Variants in HTT observed in about 807,000 individuals in gnomAD.
The protein encoded by HTT is huntington disease protein.
In HTT, 104 loss-of-function variants were observed where a neutral mutation model predicts 362.3. That is an observed-to-expected ratio of 0.29 (90% confidence interval 0.24 to 0.34). HTT has a LOEUF of 0.34. Among genes scored for constraint, HTT ranks in the 10% least tolerant of loss-of-function variants. HTT has a pLI of 1.00. For missense variants in HTT, 3,301 were observed against 3,928.6 expected, an observed-to-expected ratio of 0.84 and a Z score of 4.27; for synonymous variants, 1,577 against 1,548.7, an observed-to-expected ratio of 1.02 and a Z score of -0.43.
chr4:3,097,335 T>C (rs1560545719), intron 2 of HTT, among the ~76,000 whole-genome samples: 1 of 151,838 alleles, frequency 6.6e-6, no homozygotes, highest in South Asian at 2.1e-4. Context: ...ATATAGATAT[T>C]AAAAGGACTG....
At position 3,223,399 on chromosome 4, in the gene HTT, C is replaced by A; in HGVS notation, c.7471-7C>A. 1 of 1,570,702 alleles carries A rather than the reference C, an allele frequency of 6.4e-7. No homozygotes were observed. The highest frequency in any genetic ancestry group is 8.6e-7 in the Non-Finnish European group (1 of 1,156,252). ...TGCTCTTGTTGACATGTGGGCTCTC[C>A]TTCCAGGAAGACACAGAGAGGACCC... On this transcript the variant is annotated splice_region_variant and splice_polypyrimidine_tract_variant and intron_variant, in intron 54 of 66. Coordinates refer to ENST00000355072, the MANE Select transcript of HTT (RefSeq NM_001388492.1).
intron 37 of HTT, 68 bp downstream of exon 37, chr4:3,182,538 G>A (rs1718575781): frequency 1.0e-6 from 1 of 985,678 alleles, no homozygotes; most frequent in Non-Finnish European, 1.6e-6. Context: ...TGAAAGGTGG[G>A]TGGCTGGAAT....
chr4:3,168,311 G>A (rs761749477), intron 29 of HTT, among the ~76,000 whole-genome samples: 1 of 152,226 alleles, frequency 6.6e-6, no homozygotes, highest in Admixed American at 6.5e-5. Context: ...GCATGTGTGC[G>A]GGGCTGGGTG....
intron 22 of HTT, 78 bp downstream of exon 22, chr4:3,140,734 A>C (rs1716304859): frequency 1.4e-6 from 2 of 1,381,932 alleles, no homozygotes; most frequent in African/African-American, 1.4e-5. Flanking sequence ...TTTAATTGAA[A>C]ACATTTTATT....
In HTT at chr4:3,136,023, G is replaced by GC; in HGVS notation, c.2697+57dup. On this transcript the variant is annotated intron_variant, in intron 20 of 66. Coordinates refer to ENST00000355072, the MANE Select transcript of HTT (RefSeq NM_001388492.1). Reference sequence around the variant, plus strand: ...TTACCTTCAAGAAGGTGAAAGTGAGGCTTTCCTTGTGGAATTTCTCTAAAT... The same window carrying GC: ...TTACCTTCAAGAAGGTGAAAGTGAGGCCTTTCCTTGTGGAATTTCTCTAAAT... 3 of 1,286,608 alleles carry GC rather than the reference G, an allele frequency of 2.3e-6. No individual in the cohort carries two copies. The South Asian group carries it at 4.0e-5, about 17-fold the overall frequency. 79.7% of individuals were successfully genotyped at this position (1,286,608 alleles called of 1,614,324 possible).
intron 24 of HTT, 79 bp from the exon 25 acceptor site, chr4:3,146,718 T>C: frequency 1.5e-6 from 2 of 1,321,236 alleles, no homozygotes; most frequent in Non-Finnish European, 2.2e-6. Flanking sequence ...TGCCTTCCTC[T>C]TGGAATTGCA....
At chr4:3,157,302 A>C in intron 28 of HTT, 103 bp downstream of exon 28, 1 of 1,095,040 alleles carries the variant, frequency 9.1e-7, no homozygotes, top group Non-Finnish European at 1.3e-6. Flanking sequence ...AAGCCCTTTG[A>C]GATATGAGTT....
chr4:3,096,610 C>G (rs1346382660), intron 2 of HTT, among the ~76,000 whole-genome samples: 2 of 152,080 alleles, frequency 1.3e-5, no homozygotes, highest in Admixed American at 1.3e-4. Context: ...TCCACATGGC[C>G]CATGGGTCAG....
Position 3,147,252 on chromosome 4 carries a change from T to C in HTT, c.3295+304T>C, listed in dbSNP as rs1716649128. On this transcript the variant is annotated intron_variant, in intron 25 of 66. Transcript: ENST00000355072. ...CAGTACTCCCTCGGGCACTGGGATG[T>C]TAAGAAAGTATAATGTATGGACTTC... is the stretch of plus-strand genomic sequence containing the variant. Among the ~76,000 whole-genome samples, 3 of 152,192 alleles carry C rather than the reference T, an allele frequency of 2.0e-5. No homozygotes were observed. In the South Asian group the frequency reaches 6.2e-4, roughly 31 times the overall value.
At chr4:3,115,962 A>G (rs1173759454) in intron 7 of HTT, 123 bp from the exon 8 acceptor site, 2 of 887,734 alleles carry the variant, frequency 2.3e-6, no homozygotes, top group East Asian at 4.9e-5. Context: ...CTCATGGCGT[A>G]CTCGTTCATG....
intron 50 of HTT, among the ~76,000 whole-genome samples, chr4:3,214,395 T>C (rs1003759950): frequency 1.3e-5 from 2 of 152,228 alleles, no homozygotes; most frequent in African/African-American, 4.8e-5. Flanking sequence ...AAAATACCTC[T>C]AAACTTTATG....
chr4:3,100,028 G>T (rs567379734), intron 3 of HTT, among the ~76,000 whole-genome samples: 28 of 152,164 alleles, frequency 1.8e-4, no homozygotes, highest in Admixed American at 3.9e-4. Context: ...GTCAGAAGGC[G>T]CTATGTTGAC....
At chr4:3,137,591 C>G (rs960183232) in intron 21 of HTT, among the ~76,000 whole-genome samples, 11 of 152,124 alleles carry the variant, frequency 7.2e-5, no homozygotes, top group Non-Finnish European at 2.9e-5. Flanking sequence ...CCCAGCTACT[C>G]GGGAGGCTGA....
intron 63 of HTT, 149 bp from the exon 64 acceptor site, chr4:3,236,000 A>C (rs951497234): frequency 2.7e-6 from 2 of 731,188 alleles, no homozygotes; most frequent in African/African-American, 3.5e-5. Context: ...CATGTGGCTG[A>C]GCTGGGCTGG....
rs1718172785 is a variant in HTT at position 3,175,017 on chromosome 4, A to C, written c.4317A>C (p.Thr1439=). Residue 1439 remains threonine, a synonymous_variant, in exon 33 of 67, where the codon ACA becomes ACC. Transcript: ENST00000355072. The part of the protein sequence containing the change: ...VIKALKQYTT[T]TCVQLQKQVL... ...AAGCTTTAAAACAGTACACGACTACAACATGTGTGCAGTTACAGAAGCAGG... is the reference window on the plus strand; with the variant it reads ...AAGCTTTAAAACAGTACACGACTACCACATGTGTGCAGTTACAGAAGCAGG... 1 of 1,613,428 alleles carries C rather than the reference A, an allele frequency of 6.2e-7. No individual in the cohort carries two copies. Among genetic ancestry groups the C allele is most frequent in the Non-Finnish European group, 8.5e-7 (1 of 1,179,314 alleles).
In HTT at chr4:3,130,348, G is replaced by A; in HGVS notation, c.1911G>A (p.Arg637=). The A allele has an allele frequency of 1.2e-6, 2 of 1,606,818 alleles. No homozygotes were observed. The highest frequency in any genetic ancestry group is 2.2e-5 in the South Asian group (2 of 89,880). The change falls in exon 14 of 67, where the codon AGG becomes AGA. Residue 637 remains arginine, a synonymous_variant. Transcript: ENST00000355072. ...TATTGAAAAACATGAGTCACTGCAG[G>A]CAGCCTTCTGACAGCAGTGTTGATA... is the stretch of plus-strand genomic sequence containing the variant. The part of the protein sequence containing the change: ...AHLLKNMSHC[R]QPSDSSVDKF...
At chr4:3,177,297 AT>A in intron 33 of HTT, 34 bp from the exon 34 acceptor site, 1 of 1,414,966 alleles carries the variant, frequency 7.1e-7, no homozygotes. Flanking sequence ...TTTTAATCCT[AT>A]TATTGATGTG....
chr4:3,134,014 G>A (rs1416538822), intron 18 of HTT, among the ~76,000 whole-genome samples: 3 of 152,118 alleles, frequency 2.0e-5, no homozygotes, highest in Admixed American at 6.5e-5. Context: ...GTGACATAGT[G>A]GGGTGGTCCT....
At chr4:3,135,167 T>A (rs1715999683) in intron 19 of HTT, among the ~76,000 whole-genome samples, 1 of 152,196 alleles carries the variant, frequency 6.6e-6, no homozygotes, top group African/African-American at 2.4e-5. Flanking sequence ...ATATTAATTC[T>A]GCTTGTTTAA....
Sources: gnomAD v4.1 joint callset for allele counts (sites outside exome capture counted in the v4.1 genomes callset) on GRCh38, gnomAD v4.1.1 for gene constraint, MANE v1.5 for transcripts, NCBI Gene and HGNC (gene_info 2026-07-23, HGNC 2026-07-21) for gene names.